The following FNBP4 variants were observed in gnomAD, a reference collection of about 807,000 sequenced individuals.
The protein encoded by FNBP4 is formin-binding protein 4.
A neutral mutation model predicts 119.3 loss-of-function variants in FNBP4; 34 were observed. That is an observed-to-expected ratio of 0.28 (90% CI 0.22 to 0.38). FNBP4 has a LOEUF of 0.38. Among genes scored for constraint, FNBP4 ranks in the 10% least tolerant of loss-of-function variants. FNBP4 has a pLI of 1.00. For synonymous variants in FNBP4, 462 were observed against 430.6 expected (o/e 1.07, Z -0.90); for missense variants, 1,112 against 1,228.9 (o/e 0.90, Z 1.42).
intron 13 of FNBP4, 79 bp downstream of exon 13, chr11:47,724,387 CAT>C (rs2097558818): frequency 1.2e-6 from 2 of 1,602,276 alleles, no homozygotes; most frequent in Admixed American, 3.4e-5. Context: ...GGCCTTTAAA[CAT>C]ATGCTTCTAA....
intron 2 of FNBP4, among the ~76,000 whole-genome samples, chr11:47,754,954 C>A (rs578242298): frequency 2.0e-5 from 3 of 151,584 alleles, no homozygotes; most frequent in Admixed American, 6.6e-5. Flanking sequence ...CCAGCCTGGG[C>A]AACATGGTGA....
At position 47,734,052 on chromosome 11, in the gene FNBP4, G is replaced by T; in HGVS notation, c.1659C>A (p.Asn553Lys). The change falls in exon 10 of 17, where the codon AAC (asparagine) becomes AAA (lysine). Residue 553 changes from asparagine to lysine, a missense_variant. Transcript: ENST00000263773. ...CAGTCTGTAAGAGCAGCACATGAAA[G>T]TTGGAGATGGATTGTCTATTAATGC... Reference protein sequence around the residue: ...FLGINRQSISNFHVLLLQTET... With the variant: ...FLGINRQSISKFHVLLLQTET... 1.3e-6 allele frequency: 2 copies of T among 1,548,028 alleles called. No individual in the cohort carries two copies. Among genetic ancestry groups the T allele is most frequent in the African/African-American group, 1.4e-5 (1 of 71,290 alleles).
chr11:47,724,636 TGGA>T lies in FNBP4; in HGVS notation c.2148_2150del (p.Pro719del). 3 of 1,613,240 alleles carry T rather than the reference TGGA, an allele frequency of 1.9e-6. No individual in the cohort carries two copies. The highest frequency in any genetic ancestry group is 1.7e-6 in the Non-Finnish European group (2 of 1,179,796). On this transcript the variant is annotated inframe_deletion, in exon 13 of 17. Coordinates refer to ENST00000263773, the MANE Select transcript of FNBP4 (RefSeq NM_015308.5). ...GAGGGGGTGGAGGTGATTCTGGAGG[TGGA>T]GGTGGGGGTGGTGGCATTTCCAAGG...
chr11:47,725,661 T>TA (rs1221825734), intron 12 of FNBP4: 1 of 506,252 alleles, frequency 2.0e-6, no homozygotes, highest in Non-Finnish European at 2.5e-6. Flanking sequence ...TCAAACTTTG[T>TA]AAAAGCCATC....
At chr11:47,765,933 A>T (rs1026010313) in intron 1 of FNBP4, among the ~76,000 whole-genome samples, 1 of 131,760 alleles carries the variant, frequency 7.6e-6, no homozygotes, top group Non-Finnish European at 1.5e-5. Flanking sequence ...TAATCCGCCT[A>T]CCTCGGCCTC....
At position 47,732,351 on chromosome 11, in the gene FNBP4, A is replaced by G. The variant is rs2097568415; in HGVS notation, c.1820+186T>C. 2.0e-6 allele frequency: 3 copies of G among 1,493,772 alleles called. No individual in the cohort carries two copies. The highest frequency in any genetic ancestry group is 1.4e-5 in the South Asian group (1 of 71,878). 92.5% of individuals were successfully genotyped at this position (1,493,772 alleles called of 1,614,324 possible). On this transcript the variant is annotated intron_variant, in intron 11 of 16. Coordinates refer to ENST00000263773, the MANE Select transcript of FNBP4 (RefSeq NM_015308.5). This position sits in a 1 kb window ranked among gnomAD's most constrained non-coding sequence, Gnocchi z 4.2. ...ATCCGTTACATGGAACACTTTAAACATTGCTTTTGTTTCTCCAATGTGTGG... is the reference window on the plus strand; with the variant it reads ...ATCCGTTACATGGAACACTTTAAACGTTGCTTTTGTTTCTCCAATGTGTGG...
intron 6 of FNBP4, among the ~76,000 whole-genome samples, chr11:47,748,752 C>T (rs1039784624): frequency 7.2e-5 from 11 of 152,004 alleles, no homozygotes; most frequent in South Asian, 6.2e-4. Context: ...CAGATTCAAG[C>T]GATTCTCCTG....
intron 3 of FNBP4, 41 bp from the exon 4 acceptor site, chr11:47,753,143 A>G: frequency 6.6e-7 from 1 of 1,509,476 alleles, no homozygotes; most frequent in Non-Finnish European, 8.9e-7. Context: ...AATTATATCA[A>G]AAACAAGAAA....
rs1167976570 is a variant in FNBP4, at chr11:47,765,851, CTTTTT to C, written c.221-494_221-490del. Among the ~76,000 whole-genome samples the C allele has an allele frequency of 1.6e-4, 13 of 82,196 alleles. 1 individual carries two copies. The highest frequency in any genetic ancestry group is 2.2e-4 in the Non-Finnish European group (10 of 45,818). The allele number at this position is 82,196 out of a possible 152,430, so 53.9% of individuals were successfully genotyped here. On this transcript the variant is annotated intron_variant, in intron 1 of 16. Transcript: ENST00000263773. ...GAGATAATAAACACAGAGCTGGAAT[CTTTTT>C]TTTTTTTTTTTTTTGAGACGGAGTT...
intron 15 of FNBP4, among the ~76,000 whole-genome samples, chr11:47,721,863 C>T (rs1254937389): frequency 2.0e-5 from 3 of 146,898 alleles, no homozygotes; most frequent in Non-Finnish European, 3.0e-5. Context: ...CTCAGAATTA[C>T]AGCGTTCCCA....
At chr11:47,731,349 A>G (rs764155956) in intron 12 of FNBP4, 25 bp downstream of exon 12, 36 of 1,566,478 alleles carry the variant, frequency 2.3e-5, no homozygotes, top group Non-Finnish European at 2.6e-6. Context: ...TTTTGGCTGA[A>G]TTAGTACAAG....
chr11:47,732,353 T>C lies in FNBP4; in HGVS notation c.1820+184A>G. 6.7e-7 allele frequency: 1 copy of C among 1,496,256 alleles called. No homozygotes were observed. Among genetic ancestry groups the C allele is most frequent in the Non-Finnish European group, 8.9e-7 (1 of 1,127,486 alleles). 92.7% of individuals were successfully genotyped at this position (1,496,256 alleles called of 1,614,324 possible). ...CCGTTACATGGAACACTTTAAACAT[T>C]GCTTTTGTTTCTCCAATGTGTGGCT... On this transcript the variant is annotated intron_variant, in intron 11 of 16. Transcript: ENST00000263773. The surrounding 1 kb of genome is among the most constrained non-coding windows in gnomAD (Gnocchi z 4.2).
At chr11:47,742,477 CAAAAAAAAAAAAA>C (rs568784009) in intron 8 of FNBP4, among the ~76,000 whole-genome samples, 3 of 23,762 alleles carry the variant, frequency 1.3e-4, no homozygotes, top group African/African-American at 1.5e-4. Flanking sequence ...GACTCCGTCT[CAAAAAAAAAAAAA>C]AAAAAAAAAA....
At chr11:47,753,188 A>G in intron 3 of FNBP4, 86 bp from the exon 4 acceptor site, 1 of 1,156,246 alleles carries the variant, frequency 8.6e-7, no homozygotes, top group Non-Finnish European at 1.2e-6. Flanking sequence ...TAAAAATTCT[A>G]CATGAGCCGG....
intron 6 of FNBP4, among the ~76,000 whole-genome samples, chr11:47,750,688 C>CAAAAAAAAAAAAAAAAAAAAAA (rs67153479): frequency 2.9e-5 from 2 of 68,068 alleles, no homozygotes; most frequent in Admixed American, 2.4e-4. Flanking sequence ...GACTCTGTCT[C>CAAAAAAAAAAAAAAAAAAAAAA]AAAAAAAAAA....
intron 8 of FNBP4, among the ~76,000 whole-genome samples, chr11:47,739,132 A>G (rs1190734996): frequency 6.6e-6 from 1 of 151,660 alleles, no homozygotes; most frequent in African/African-American, 2.4e-5. Flanking sequence ...AAGTCTCACT[A>G]TGTTGCCCAG....
rs1599234879 is a variant in FNBP4 at position 47,750,787 on chromosome 11, G to A, written c.906+129C>T. On this transcript the variant is annotated intron_variant, in intron 6 of 16. Coordinates refer to ENST00000263773, the MANE Select transcript of FNBP4 (RefSeq NM_015308.5). ...GCTACATAATACACAGAAACAAAGTGAAAGTTATGAAACTTATCCTATTTC... is the reference window on the plus strand; with the variant it reads ...GCTACATAATACACAGAAACAAAGTAAAAGTTATGAAACTTATCCTATTTC... The A allele has an allele frequency of 6.7e-6, 6 of 891,414 alleles. No homozygotes were observed. The East Asian group carries it at 1.5e-4, about 22-fold the overall frequency. The allele number at this position is 891,414 out of a possible 1,614,324, so 55.2% of individuals were successfully genotyped here.
chr11:47,720,572 AT>A (rs1292699969), intron 15 of FNBP4, among the ~76,000 whole-genome samples: 12 of 93,356 alleles, frequency 1.3e-4, no homozygotes, highest in East Asian at 8.6e-4. Context: ...TCTCAAAAAA[AT>A]AAATAAATAA....
Position 47,731,372 on chromosome 11 carries a change from AC to A in FNBP4, c.2008+1del. On this transcript the variant is annotated splice_donor_variant, in intron 12 of 16. Coordinates refer to ENST00000263773, the MANE Select transcript of FNBP4 (RefSeq NM_015308.5). LOFTEE classifies it high-confidence loss of function. ...GAATTAGTACAAGGTAAATTGTCTCACCTGTGGAAGTTTCAGAGGATTCTGT... is the reference window on the plus strand; with the variant it reads ...GAATTAGTACAAGGTAAATTGTCTCACTGTGGAAGTTTCAGAGGATTCTGT... 1 of 1,607,126 alleles carries A rather than the reference AC, an allele frequency of 6.2e-7. No homozygotes were observed. Among genetic ancestry groups the A allele is most frequent in the Non-Finnish European group, 8.5e-7 (1 of 1,177,778 alleles).
Sources: gnomAD v4.1 joint callset for allele counts (sites outside exome capture counted in the v4.1 genomes callset) on GRCh38, gnomAD v4.1.1 for gene constraint, Gnocchi (gnomAD v3.1) non-coding constraint, MANE v1.5 for transcripts, NCBI Gene and HGNC (gene_info 2026-07-23, HGNC 2026-07-21) for gene names.